Variants in HECW1 observed in about 807,000 individuals in gnomAD.
HECW1 encodes E3 ubiquitin-protein ligase HECW1.
A neutral mutation model predicts 182.3 loss-of-function variants in HECW1; 61 were observed. The ratio of observed to expected loss-of-function variants is 0.33; its 90% CI spans 0.27 to 0.41. The LOEUF is 0.41. HECW1 is among the 10% of genes least tolerant of loss of function. HECW1 has a pLI of 1.00. For missense variants in HECW1, 1,739 were observed against 2,108.9 expected (o/e 0.82, Z 3.44); for synonymous variants, 859 against 832.6 (o/e 1.03, Z -0.55).
chr7:43,119,049 C>T (rs1227530502), intron 2 of HECW1: 1 of 152,248 alleles, frequency 6.6e-6, no homozygotes, highest in African/African-American at 2.4e-5. Flanking sequence ...ACAAACAGCA[C>T]ATTGAACATA....
intron 2 of HECW1, among the ~76,000 whole-genome samples, chr7:43,169,690 C>CTTTTTTTTTTTTTTT (rs374141328): frequency 9.7e-5 from 11 of 113,452 alleles, no homozygotes; most frequent in African/African-American, 2.7e-4. Flanking sequence ...TTTTTCTTTT[C>CTTTTTTTTTTTTTTT]TTTTTTTTTT....
intron 2 of HECW1, among the ~76,000 whole-genome samples, chr7:43,189,085 C>A (rs975429795): frequency 2.0e-5 from 3 of 152,226 alleles, no homozygotes; most frequent in Non-Finnish European, 2.9e-5. Flanking sequence ...CTTACAGAGG[C>A]AGTTGTGTGT....
chr7:43,377,002 T>G (rs556347398), intron 6 of HECW1, among the ~76,000 whole-genome samples: 1 of 152,072 alleles, frequency 6.6e-6, no homozygotes, highest in Admixed American at 6.5e-5. Context: ...GAAAAATAAA[T>G]TCTTACTTCC....
chr7:43,479,324 G>A (rs756920300), intron 16 of HECW1, among the ~76,000 whole-genome samples: 59 of 152,184 alleles, frequency 3.9e-4, no homozygotes, highest in Non-Finnish European at 1.3e-4. Context: ...GTTCACAATG[G>A]GGTTTGTGCT....
intron 5 of HECW1, among the ~76,000 whole-genome samples, chr7:43,336,307 AC>A: frequency 6.6e-6 from 1 of 151,656 alleles, no homozygotes; most frequent in South Asian, 2.1e-4. Context: ...CTGGGACCAC[AC>A]TCACACACCA....
At chr7:43,330,061 G>A (rs562165780) in intron 5 of HECW1, among the ~76,000 whole-genome samples, 186 of 152,324 alleles carry the variant, frequency 1.2e-3, no homozygotes, top group Non-Finnish European at 2.2e-3. Flanking sequence ...CATGGAGTTA[G>A]GCAGGTTAAG....
intron 2 of HECW1, among the ~76,000 whole-genome samples, chr7:43,180,332 T>TA (rs1263860789): frequency 2.1e-5 from 3 of 139,692 alleles, no homozygotes; most frequent in African/African-American, 8.3e-5. Context: ...GGATTTTGAG[T>TA]AATCAAATTG....
intron 2 of HECW1, among the ~76,000 whole-genome samples, chr7:43,162,050 G>A (rs149872967): frequency 7.9e-5 from 12 of 152,306 alleles, no homozygotes; most frequent in Non-Finnish European, 1.2e-4. Context: ...ATGATTTCAC[G>A]TTAATGAACA....
intron 2 of HECW1, among the ~76,000 whole-genome samples, chr7:43,149,973 T>C (rs1192013846): frequency 6.6e-6 from 1 of 152,260 alleles, no homozygotes; most frequent in East Asian, 1.9e-4. Flanking sequence ...AATGCAATTC[T>C]ATTTCATAGA....
At chr7:43,233,536 G>A (rs962338649) in intron 2 of HECW1, among the ~76,000 whole-genome samples, 4 of 152,130 alleles carry the variant, frequency 2.6e-5, no homozygotes, top group Non-Finnish European at 4.4e-5. Flanking sequence ...AGATTTTCCT[G>A]GATGCCTCTC....
At chr7:43,246,195 G>A (rs1317156952) in intron 3 of HECW1, among the ~76,000 whole-genome samples, 1 of 152,004 alleles carries the variant, frequency 6.6e-6, no homozygotes, top group Non-Finnish European at 1.5e-5. Flanking sequence ...CCCAGCTACT[G>A]AGGAGGCTGA....
chr7:43,468,762 C>G (rs1563019084), intron 15 of HECW1, among the ~76,000 whole-genome samples, 158 bp from the exon 16 acceptor site: 1 of 152,188 alleles, frequency 6.6e-6, no homozygotes, highest in Admixed American at 6.5e-5. Flanking sequence ...GTGTTTACTT[C>G]TTGAGCAAGA....
Position 43,112,941 on chromosome 7 carries a change from AG to A in HECW1, c.-267+5del, listed in dbSNP as rs1784731149. ...TGCCCAGGCCAGGGCTGCCAAGGTA[AG>A]CGGGCGTAGCGCGGGGACACTGTCT... On this transcript the variant is annotated splice_donor_5th_base_variant and intron_variant, in intron 1 of 29. Transcript: ENST00000395891. 2 of 211,990 alleles carry A rather than the reference AG, an allele frequency of 9.4e-6. No homozygotes were observed. Among genetic ancestry groups the A allele is most frequent in the Non-Finnish European group, 1.9e-5 (2 of 104,406 alleles). The allele number at this position is 211,990 out of a possible 1,614,324, so 13.1% of individuals were successfully genotyped here. A position where few individuals can be genotyped will look rare whatever the true frequency, so the allele number is the denominator to read the frequency against.
chr7:43,415,086 T>G (rs1402066428), intron 8 of HECW1, among the ~76,000 whole-genome samples: 1 of 151,694 alleles, frequency 6.6e-6, no homozygotes, highest in Non-Finnish European at 1.5e-5. Flanking sequence ...GTTAGCTGGT[T>G]ATTTTGCTCG....
chr7:43,398,359 C>T (rs1354088614), intron 7 of HECW1, among the ~76,000 whole-genome samples: 1 of 152,214 alleles, frequency 6.6e-6, no homozygotes, highest in Non-Finnish European at 1.5e-5. Context: ...CACTCAATCC[C>T]ACCCTAAACA....
chr7:43,501,191 T>C, intron 20 of HECW1, 22 bp from the exon 21 acceptor site: 2 of 1,111,722 alleles, frequency 1.8e-6, no homozygotes, highest in Non-Finnish European at 2.5e-6. Context: ...TTCTTTTTTT[T>C]TTTTTTTTTT....
Position 43,406,713 on chromosome 7 carries a change from T to A in HECW1, c.632-849T>A, listed in dbSNP as rs576053445. ...CGGGCGGATCACCTGAGGTCAGGAG[T>A]TCAAAACCAGCCTAGCCAACACAGC... On this transcript the variant is annotated intron_variant, in intron 7 of 29. Transcript: ENST00000395891. Among the ~76,000 whole-genome samples the A allele has an allele frequency of 4.6e-3, 700 of 151,488 alleles. 7 individuals are homozygous for A. Among genetic ancestry groups the A allele is most frequent in the African/African-American group, 0.016 (675 of 41,228 alleles).
Position 43,366,373 on chromosome 7 carries a change from A to G in HECW1, c.555+5393A>G, listed in dbSNP as rs141459704. On this transcript the variant is annotated intron_variant, in intron 6 of 29. Coordinates refer to ENST00000395891, the MANE Select transcript of HECW1 (RefSeq NM_015052.5). ...CCCTCCCTTCCCCAAATTCTAGGTC[A>G]TTACCTTTGGCTATAGTAGCATTTT... is the stretch of plus-strand genomic sequence containing the variant. Among the ~76,000 whole-genome samples, 254 of 152,300 alleles carry G rather than the reference A, an allele frequency of 1.7e-3. 1 individual carries two copies. Among genetic ancestry groups the G allele is most frequent in the African/African-American group, 5.8e-3 (239 of 41,562 alleles).
intron 17 of HECW1, 63 bp downstream of exon 17, chr7:43,479,807 G>A: frequency 6.3e-7 from 1 of 1,590,342 alleles, no homozygotes; most frequent in East Asian, 2.2e-5. Context: ...TTCCATGGGA[G>A]CAGAACAGTT....
Sources: gnomAD v4.1 joint callset for allele counts (sites outside exome capture counted in the v4.1 genomes callset) on GRCh38, gnomAD v4.1.1 for gene constraint, MANE v1.5 for transcripts, NCBI Gene and HGNC (gene_info 2026-07-23, HGNC 2026-07-21) for gene names.